SDR9C7: variants seen among roughly 807,000 people sequenced by gnomAD.
SDR9C7 encodes the protein short chain dehydrogenase/reductase family 9C member 7, also known as short-chain dehydrogenase/reductase family 9C member 7.
Under a neutral mutation model 23.6 loss-of-function variants are expected in SDR9C7, and 11 were observed. The ratio of observed to expected loss-of-function variants is 0.47; its 90% CI spans 0.29 to 0.77. The LOEUF is 0.77. Ranked by LOEUF, SDR9C7 falls within the 30% of genes least tolerant of loss-of-function variation. The probability of loss-of-function intolerance (pLI) is 0.09; values close to 1 mark genes in which losing one functional copy is unlikely to be tolerated. For synonymous variants in SDR9C7, 167 were observed against 157.3 expected (o/e 1.06, Z -0.46); for missense variants, 387 against 407.1 (o/e 0.95, Z 0.42).
intron 1 of SDR9C7, among the ~76,000 whole-genome samples, chr12:56,931,883 C>T (rs1475893489): frequency 6.6e-6 from 1 of 152,128 alleles, no homozygotes; most frequent in African/African-American, 2.4e-5. Flanking sequence ...AACATAAATC[C>T]TAGTCCACCC....
At position 56,923,854 on chromosome 12, in the gene SDR9C7, T is replaced by C; in HGVS notation, c.921A>G (p.Pro307=). 6.2e-7 allele frequency: 1 copy of C among 1,611,788 alleles called. No homozygotes were observed. Among genetic ancestry groups the C allele is most frequent in the Middle Eastern group, 1.7e-4 (1 of 6,050 alleles). ...VTDFILSRYL[P]RPADSV ...CAGTTTAGACACTGTCCGCTGGCCT[T>C]GGAAGGTACCGGCTTAGGATGAAAT... The change falls in exon 4 of 4, where the codon CCA becomes CCG. Residue 307 remains proline (P), a synonymous_variant. Coordinates refer to ENST00000293502, the MANE Select transcript of SDR9C7 (RefSeq NM_148897.3).
Position 56,930,232 on chromosome 12 carries a change from C to A in SDR9C7, c.554G>T (p.Ser185Ile), listed in dbSNP as rs767129286. 6.2e-7 allele frequency: 1 copy of A among 1,614,040 alleles called. No homozygotes were observed. The highest frequency in any genetic ancestry group is 1.7e-5 in the Admixed American group (1 of 60,014). The change falls in exon 2 of 4, where the codon AGC becomes ATC. Residue 185 changes from serine to isoleucine, a missense_variant. Physicochemically the swap from Ser to Ile is moderately radical, Grantham distance 142. Transcript: ENST00000293502. ...SKFGVEAFSDSIRRELYYFGV... is the reference protein window; with the variant it reads ...SKFGVEAFSDIIRRELYYFGV... ...AGTACCAGGGCCCAGTTACCTTATG[C>A]TGTCAGAGAAGGCCTCAACGCCAAA...
chr12:56,925,210 A>C (rs779505741), intron 3 of SDR9C7, among the ~76,000 whole-genome samples: 5 of 152,126 alleles, frequency 3.3e-5, no homozygotes, highest in Admixed American at 6.5e-5. Context: ...GCATTGACCC[A>C]CAGGGGTGGA....
Position 56,923,823 on chromosome 12 carries a change from C to T in SDR9C7, c.*10G>A, listed in dbSNP as rs1177354949. The T allele has an allele frequency of 6.3e-7, 1 of 1,577,508 alleles. No individual in the cohort carries two copies. The highest frequency in any genetic ancestry group is 8.6e-7 in the Non-Finnish European group (1 of 1,157,158). Reference sequence around the variant, plus strand: ...TTCTAGGCTCCACTGACCCATTGATCCTCCCCAGTTTAGACACTGTCCGCT... The same window carrying T: ...TTCTAGGCTCCACTGACCCATTGATTCTCCCCAGTTTAGACACTGTCCGCT... On this transcript the variant is annotated 3_prime_UTR_variant, in exon 4 of 4. Transcript: ENST00000293502.
At position 56,927,796 on chromosome 12, in the gene SDR9C7, C is replaced by T. The variant is rs530779164; in HGVS notation, c.724+1594G>A. ...GAGACTGGAGTCAGTGCAAAAGAAG[C>T]AGAGCCAAGAAATGGGTGGAACCAG... is the stretch of plus-strand genomic sequence containing the variant. On this transcript the variant is annotated intron_variant, in intron 3 of 3. Transcript: ENST00000293502. 2.0e-5 allele frequency among the ~76,000 whole-genome samples: 3 copies of T among 152,344 alleles called. No individual in the cohort carries two copies. In the East Asian group the frequency reaches 5.8e-4, roughly 29 times the overall value.
intron 1 of SDR9C7, among the ~76,000 whole-genome samples, 156 bp downstream of exon 1, chr12:56,933,805 C>A (rs1319808342): frequency 6.6e-6 from 1 of 152,162 alleles, no homozygotes; most frequent in African/African-American, 2.4e-5. Flanking sequence ...CCAAACCATG[C>A]AGTGGCTTCC....
chr12:56,933,196 C>T (rs1332611995), intron 1 of SDR9C7, among the ~76,000 whole-genome samples: 1 of 152,162 alleles, frequency 6.6e-6, no homozygotes, highest in African/African-American at 2.4e-5. Context: ...TCTCTTTCTC[C>T]CCTGCCTGAC....
At chr12:56,930,700 G>A (rs1172094707) in intron 1 of SDR9C7, among the ~76,000 whole-genome samples, 1 of 152,198 alleles carries the variant, frequency 6.6e-6, no homozygotes, top group Admixed American at 6.5e-5. Flanking sequence ...CCGGCTAGCT[G>A]GCGCTCTGTA....
intron 3 of SDR9C7, among the ~76,000 whole-genome samples, 155 bp downstream of exon 3, chr12:56,929,235 G>C (rs944005480): frequency 5.3e-5 from 8 of 152,110 alleles, no homozygotes; most frequent in Non-Finnish European, 1.2e-4. Flanking sequence ...TCTGCCACTT[G>C]CTCTCTATTC....
chr12:56,926,289 A>T (rs1388680265), intron 3 of SDR9C7, among the ~76,000 whole-genome samples: 1 of 152,028 alleles, frequency 6.6e-6, no homozygotes, highest in African/African-American at 2.4e-5. Context: ...GCCACCCCCC[A>T]CCACCAGAAC....
At position 56,930,473 on chromosome 12, in the gene SDR9C7, G is replaced by A; in HGVS notation, c.313C>T (p.Leu105=). Residue 105 remains leucine (L), a synonymous_variant, in exon 2 of 4, where the codon CTG becomes TTG. Coordinates refer to ENST00000293502, the MANE Select transcript of SDR9C7 (RefSeq NM_148897.3). ...AGGCCCACACCAGCATTGTTCACCA[G>A]GGCCCAGAGGCCTGGGGGTGAGATG... ...DKVGEQGLWA[L]VNNAGVGLPS... 1 of 1,614,104 alleles carries A rather than the reference G, an allele frequency of 6.2e-7. No individual in the cohort carries two copies. Among genetic ancestry groups the A allele is most frequent in the Non-Finnish European group, 8.5e-7 (1 of 1,179,978 alleles).
chr12:56,930,309 G>A lies in SDR9C7; in HGVS notation c.477C>T (p.Ser159=). ...TGACAGCCACACGACCACCAGAGCTGGACATGTTGACAACCCTGCCCCGGG... is the reference window on the plus strand; with the variant it reads ...TGACAGCCACACGACCACCAGAGCTAGACATGTTGACAACCCTGCCCCGGG... ...KRARGRVVNM[S]SSGGRVAVIG... is the part of the protein sequence containing the mutation. Residue 159 remains serine, a synonymous_variant, in exon 2 of 4, where the codon TCC becomes TCT. Coordinates refer to ENST00000293502, the MANE Select transcript of SDR9C7 (RefSeq NM_148897.3). 1 of 1,614,130 alleles carries A rather than the reference G, an allele frequency of 6.2e-7. No individual in the cohort carries two copies. The highest frequency in any genetic ancestry group is 8.5e-7 in the Non-Finnish European group (1 of 1,180,028).
chr12:56,925,098 T>A (rs7304127), intron 3 of SDR9C7, among the ~76,000 whole-genome samples: 29,840 of 151,820 alleles, frequency 0.2, 3,134 homozygotes, highest in African/African-American at 0.26. Flanking sequence ...AAAATAGTAA[T>A]ACTGCCCCTA....
chr12:56,930,136 G>A lies in SDR9C7; in HGVS notation c.560+90C>T, dbSNP rs1053027368. 32 of 1,461,726 alleles carry A rather than the reference G, an allele frequency of 2.2e-5. No individual in the cohort carries two copies. In the Admixed American group the frequency reaches 2.7e-4, roughly 12 times the overall value. The allele number at this position is 1,461,726 out of a possible 1,614,324, so 90.5% of individuals were successfully genotyped here. On this transcript the variant is annotated intron_variant, in intron 2 of 3. Transcript: ENST00000293502. ...GCTATTGTGTTAGCTTCCTGTCTGCGGAATTCCCCTGCCCACATGCTGTCA... is the reference window on the plus strand; with the variant it reads ...GCTATTGTGTTAGCTTCCTGTCTGCAGAATTCCCCTGCCCACATGCTGTCA...
chr12:56,933,998 C>T lies in SDR9C7; in HGVS notation c.264G>A (p.Ala88=), dbSNP rs367653078. Residue 88 remains alanine (A), a synonymous_variant, in exon 1 of 4, where the codon GCG becomes GCA. Coordinates refer to ENST00000293502, the MANE Select transcript of SDR9C7 (RefSeq NM_148897.3). Reference sequence around the variant, plus strand: ...CTTTGTCCCTCACCCACTGGGCCGCCGCCTTGATGCTTTCGCTCTTGGTGA... The same window carrying T: ...CTTTGTCCCTCACCCACTGGGCCGCTGCCTTGATGCTTTCGCTCTTGGTGA... The part of the protein sequence containing the change: ...LDVTKSESIK[A]AAQWVRDKVG... The T allele has an allele frequency of 2.6e-5, 42 of 1,611,342 alleles. 1 individual carries two copies. In the Middle Eastern group the frequency reaches 1.3e-3, roughly 51 times the overall value.
At chr12:56,924,122 C>T (rs889332523) in intron 3 of SDR9C7, 72 bp from the exon 4 acceptor site, 85 of 1,066,996 alleles carry the variant, frequency 8.0e-5, no homozygotes, top group Non-Finnish European at 1.1e-4. Flanking sequence ...GAATTCCATC[C>T]AAGTTCCCTT....
At chr12:56,928,994 CT>C (rs1269991587) in intron 3 of SDR9C7, among the ~76,000 whole-genome samples, 1 of 152,176 alleles carries the variant, frequency 6.6e-6, no homozygotes, top group Non-Finnish European at 1.5e-5. Flanking sequence ...AATAAGAAAA[CT>C]GAGGCATGGG....
chr12:56,933,445 G>A (rs916784962), intron 1 of SDR9C7, among the ~76,000 whole-genome samples: 4 of 152,064 alleles, frequency 2.6e-5, no homozygotes, highest in Admixed American at 2.0e-4. Flanking sequence ...TGCAACCTCC[G>A]CCTCCCGGGT....
intron 1 of SDR9C7, among the ~76,000 whole-genome samples, 169 bp downstream of exon 1, chr12:56,933,788 GAACA>G (rs1955781681): frequency 6.6e-6 from 1 of 152,184 alleles, no homozygotes; most frequent in Admixed American, 6.5e-5. Context: ...CCCTTCATGT[GAACA>G]GGCCAAACCA....
Sources: gnomAD v4.1 joint callset for allele counts (sites outside exome capture counted in the v4.1 genomes callset) on GRCh38, gnomAD v4.1.1 for gene constraint, MANE v1.5 for transcripts, NCBI Gene and HGNC (gene_info 2026-07-23, HGNC 2026-07-21) for gene names.